Variants in LRMDA observed in about 807,000 individuals in gnomAD.
LRMDA encodes the protein leucine rich melanocyte differentiation associated.
Under a neutral mutation model 29.8 loss-of-function variants are expected in LRMDA, and 18 were observed. That is an observed-to-expected ratio of 0.60 (90% CI 0.42 to 0.90). LRMDA has a LOEUF of 0.90. Among genes scored for constraint, LRMDA ranks in the 40% least tolerant of loss-of-function variants. The pLI is 0.00. For synonymous variants in LRMDA, 125 were observed against 109.4 expected, an observed-to-expected ratio of 1.14 and a Z score of -0.89; for missense variants, 273 against 273.9, an observed-to-expected ratio of 1.00 and a Z score of 0.02.
At chr10:75,878,102 C>T (rs142801303) in intron 2 of LRMDA, among the ~76,000 whole-genome samples, 40 of 152,218 alleles carry the variant, frequency 2.6e-4, no homozygotes, top group East Asian at 3.9e-4. Flanking sequence ...GCCCCAGTGG[C>T]GTATGTTACA....
chr10:76,197,311 C>T (rs905135598), intron 5 of LRMDA, among the ~76,000 whole-genome samples: 24 of 152,206 alleles, frequency 1.6e-4, no homozygotes, highest in African/African-American at 5.5e-4. Flanking sequence ...CATTGCCTTC[C>T]TCCATCTGAC....
chr10:76,004,873 G>A (rs370171006), intron 2 of LRMDA, among the ~76,000 whole-genome samples: 1 of 151,816 alleles, frequency 6.6e-6, no homozygotes, highest in Non-Finnish European at 1.5e-5. Context: ...GACTACAGGC[G>A]CCTGCCACCA....
chr10:76,106,555 A>G (rs1273334801), intron 5 of LRMDA, among the ~76,000 whole-genome samples: 1 of 152,110 alleles, frequency 6.6e-6, no homozygotes, highest in African/African-American at 2.4e-5. Flanking sequence ...TCTTTGGAGG[A>G]GTCCGTCACA....
intron 5 of LRMDA, among the ~76,000 whole-genome samples, chr10:76,184,683 A>G (rs1261000036): frequency 6.6e-6 from 1 of 152,164 alleles, no homozygotes; most frequent in African/African-American, 2.4e-5. Context: ...AGTTTCCCCA[A>G]TTGCCAGAGC....
At chr10:75,460,209 A>G (rs886813171) in intron 2 of LRMDA, among the ~76,000 whole-genome samples, 2 of 152,238 alleles carry the variant, frequency 1.3e-5, no homozygotes, top group African/African-American at 4.8e-5. Context: ...AATTGTAAGA[A>G]GAAGCTGTAT....
chr10:76,426,597 T>G (rs1041503548), intron 6 of LRMDA, among the ~76,000 whole-genome samples: 1 of 152,242 alleles, frequency 6.6e-6, no homozygotes, highest in African/African-American at 2.4e-5. Context: ...GCAGAAGCTC[T>G]TGAGTTTAAT....
chr10:76,185,348 A>G (rs1851128198), intron 5 of LRMDA, among the ~76,000 whole-genome samples: 1 of 152,166 alleles, frequency 6.6e-6, no homozygotes, highest in African/African-American at 2.4e-5. Context: ...TTTACATAAG[A>G]TCTTCTGCAT....
chr10:76,310,421 A>C (rs867621383), intron 5 of LRMDA, among the ~76,000 whole-genome samples: 1 of 152,092 alleles, frequency 6.6e-6, no homozygotes, highest in African/African-American at 2.4e-5. Flanking sequence ...GTAACAAAAA[A>C]AGTATGGGAA....
chr10:75,915,551 C>T (rs1361745156), intron 2 of LRMDA, among the ~76,000 whole-genome samples: 1 of 152,142 alleles, frequency 6.6e-6, no homozygotes, highest in African/African-American at 2.4e-5. Context: ...CGTGTCTAAC[C>T]TTTTTAATTT....
rs183345730 is a variant in LRMDA, at chr10:75,975,261, A to G, written c.132-60747A>G. 1.1e-3 allele frequency among the ~76,000 whole-genome samples: 173 copies of G among 152,354 alleles called. 1 individual carries two copies. Among genetic ancestry groups the G allele is most frequent in the Admixed American group, 0.01 (159 of 15,304 alleles). ...CTCTAAGCCACTGTCCTACTGCCCA[A>G]CTTGCCTGAGTGCCTCTACACTGAT... is the stretch of plus-strand genomic sequence containing the variant. On this transcript the variant is annotated intron_variant, in intron 2 of 6. Transcript: ENST00000611255.
At chr10:76,183,523 A>G (rs1352770808) in intron 5 of LRMDA, among the ~76,000 whole-genome samples, 1 of 152,156 alleles carries the variant, frequency 6.6e-6, no homozygotes, top group Non-Finnish European at 1.5e-5. Flanking sequence ...TCTGTTCAGA[A>G]AACTGAAATC....
chr10:75,690,977 AAATAT>A (rs1161294089), intron 2 of LRMDA, among the ~76,000 whole-genome samples: 14 of 96,184 alleles, frequency 1.5e-4, no homozygotes, highest in African/African-American at 6.5e-4. Context: ...CTTAAAAAAA[AAATAT>A]ATATATATAT....
chr10:76,269,779 A>G (rs1385061468), intron 5 of LRMDA, among the ~76,000 whole-genome samples: 1 of 152,146 alleles, frequency 6.6e-6, no homozygotes, highest in Admixed American at 6.5e-5. Flanking sequence ...GCCCCATGAG[A>G]TTGAGCCTTT....
At chr10:75,742,135 C>T (rs902962076) in intron 2 of LRMDA, among the ~76,000 whole-genome samples, 3 of 152,174 alleles carry the variant, frequency 2.0e-5, no homozygotes, top group Non-Finnish European at 4.4e-5. Flanking sequence ...GACTAAGATA[C>T]GTGCATTATA....
At chr10:76,421,573 T>C (rs752501637) in intron 6 of LRMDA, among the ~76,000 whole-genome samples, 31 of 152,228 alleles carry the variant, frequency 2.0e-4, no homozygotes, top group Non-Finnish European at 4.0e-4. Context: ...TCTAATAGTC[T>C]CAATTATGTC....
chr10:76,032,198 G>A (rs952383488), intron 2 of LRMDA, among the ~76,000 whole-genome samples: 3 of 152,198 alleles, frequency 2.0e-5, no homozygotes, highest in Admixed American at 2.0e-4. Flanking sequence ...TGCAGGGAAA[G>A]GATGAAGGTC....
At chr10:75,936,515 C>G (rs568350881) in intron 2 of LRMDA, among the ~76,000 whole-genome samples, 1 of 152,250 alleles carries the variant, frequency 6.6e-6, no homozygotes, top group Admixed American at 6.5e-5. Flanking sequence ...TTTACCCGCA[C>G]ATATCTTTTT....
At chr10:76,438,263 G>T (rs1323315005) in intron 6 of LRMDA, among the ~76,000 whole-genome samples, 1 of 152,156 alleles carries the variant, frequency 6.6e-6, no homozygotes, top group Admixed American at 6.5e-5. Context: ...GAGGCTCTCT[G>T]TGTGTTTTAT....
At chr10:76,196,511 A>G (rs147463444) in intron 5 of LRMDA, among the ~76,000 whole-genome samples, 6 of 152,248 alleles carry the variant, frequency 3.9e-5, no homozygotes, top group African/African-American at 1.2e-4. Flanking sequence ...TTCTGCAGTG[A>G]TCTCTCCCTG....
Sources: gnomAD v4.1 joint callset for allele counts (sites outside exome capture counted in the v4.1 genomes callset) on GRCh38, gnomAD v4.1.1 for gene constraint, MANE v1.5 for transcripts, NCBI Gene and HGNC (gene_info 2026-07-23, HGNC 2026-07-21) for gene names.